The following PCLO variants were observed in gnomAD, a reference collection of about 807,000 sequenced individuals.
The protein encoded by PCLO is piccolo presynaptic cytomatrix protein.
In PCLO, 82 loss-of-function variants were observed where a neutral mutation model predicts 427.5. That is an observed-to-expected ratio of 0.19 (90% CI 0.16 to 0.23). The LOEUF is 0.23. Ranked by LOEUF, PCLO falls within the 10% of genes least tolerant of loss-of-function variation. The pLI is 1.00. For missense variants in PCLO, 6,239 were observed against 6,115.9 expected, an observed-to-expected ratio of 1.02 and a Z score of -0.67; for synonymous variants, 2,357 against 2,155.4, an observed-to-expected ratio of 1.09 and a Z score of -2.59.
At chr7:83,114,280 C>A (rs796935074) in intron 3 of PCLO, among the ~76,000 whole-genome samples, 1 of 151,776 alleles carries the variant, frequency 6.6e-6, no homozygotes, top group African/African-American at 2.4e-5. Flanking sequence ...CAGGGAATTG[C>A]GATGCTATAT....
At chr7:83,116,006 A>T (rs1336038641) in intron 3 of PCLO, among the ~76,000 whole-genome samples, 1 of 151,978 alleles carries the variant, frequency 6.6e-6, no homozygotes, top group African/African-American at 2.4e-5. Flanking sequence ...ACATATATGT[A>T]TATCATTTTC....
At chr7:83,148,404 T>A (rs924091505) in intron 2 of PCLO, among the ~76,000 whole-genome samples, 2 of 152,214 alleles carry the variant, frequency 1.3e-5, no homozygotes, top group African/African-American at 4.8e-5. Flanking sequence ...TTTATGACTC[T>A]TAATAGAATA....
At chr7:82,846,088 GAGTT>G (rs2115811437) in intron 12 of PCLO, among the ~76,000 whole-genome samples, 1 of 152,204 alleles carries the variant, frequency 6.6e-6, no homozygotes, top group South Asian at 2.1e-4. Flanking sequence ...ATTCAAGAAA[GAGTT>G]AAATCTATCT....
At chr7:83,030,119 G>GAAAAA (rs199609017) in intron 3 of PCLO, among the ~76,000 whole-genome samples, 64 of 104,434 alleles carry the variant, frequency 6.1e-4, no homozygotes, top group Middle Eastern at 6.7e-3. Context: ...AATAATAAAA[G>GAAAAA]AAAAAAAAAA....
intron 3 of PCLO, among the ~76,000 whole-genome samples, chr7:83,086,345 T>C (rs1056463211): frequency 1.4e-4 from 22 of 152,154 alleles, no homozygotes; most frequent in Middle Eastern, 3.4e-3. Flanking sequence ...CTGACCTCAG[T>C]TGATCCACCA....
At chr7:82,891,946 A>G (rs1460013090) in intron 9 of PCLO, among the ~76,000 whole-genome samples, 1 of 152,096 alleles carries the variant, frequency 6.6e-6, no homozygotes, top group Non-Finnish European at 1.5e-5. Context: ...AGAACATTCC[A>G]TGATTCCATG....
intron 3 of PCLO, among the ~76,000 whole-genome samples, chr7:82,996,163 T>A: frequency 6.6e-6 from 1 of 151,894 alleles, no homozygotes; most frequent in East Asian, 1.9e-4. Flanking sequence ...GATCTGATTT[T>A]GCTAAAAATT....
In PCLO at chr7:82,890,965, T is replaced by C. The variant is rs545092810; in HGVS notation, c.13529-11503A>G. ...TATTTATGATTATCATTATTTTCTT[T>C]GGATTTTTGCATATATGATTTATTT... On this transcript the variant is annotated intron_variant, in intron 9 of 24. Coordinates refer to ENST00000333891, the MANE Select transcript of PCLO (RefSeq NM_033026.6). Among the ~76,000 whole-genome samples, 222 of 152,232 alleles carry C rather than the reference T, an allele frequency of 1.5e-3. 1 individual carries two copies. Among genetic ancestry groups the C allele is most frequent in the African/African-American group, 5.1e-3 (214 of 41,580 alleles).
At chr7:83,061,899 C>G (rs1051389626) in intron 3 of PCLO, among the ~76,000 whole-genome samples, 2 of 152,110 alleles carry the variant, frequency 1.3e-5, no homozygotes, top group Non-Finnish European at 2.9e-5. Flanking sequence ...TTCCTGAGAA[C>G]CTGAGGCCAT....
chr7:82,908,343 T>C (rs2116227261), intron 8 of PCLO, among the ~76,000 whole-genome samples: 1 of 152,170 alleles, frequency 6.6e-6, no homozygotes. Flanking sequence ...TAGCAATATC[T>C]ACTTTATGTG....
At chr7:83,092,249 C>T (rs1011516478) in intron 3 of PCLO, among the ~76,000 whole-genome samples, 2 of 152,102 alleles carry the variant, frequency 1.3e-5, no homozygotes, top group Non-Finnish European at 2.9e-5. Context: ...GAAATACTGC[C>T]ATTAGAGACA....
chr7:83,149,128 G>A (rs894952946), intron 2 of PCLO, among the ~76,000 whole-genome samples: 1 of 152,138 alleles, frequency 6.6e-6, no homozygotes, highest in Non-Finnish European at 1.5e-5. Flanking sequence ...ATTAATCTCT[G>A]GCTTTAGCCT....
intron 3 of PCLO, among the ~76,000 whole-genome samples, chr7:82,981,034 A>T (rs1796135992): frequency 6.6e-6 from 1 of 152,176 alleles, no homozygotes; most frequent in Non-Finnish European, 1.5e-5. Context: ...ATAGTTAAAG[A>T]CCTATGTAAT....
chr7:82,758,879 G>A (rs1790372896), intron 24 of PCLO, among the ~76,000 whole-genome samples, 164 bp from the exon 25 acceptor site: 1 of 151,752 alleles, frequency 6.6e-6, no homozygotes, highest in African/African-American at 2.4e-5. Flanking sequence ...GATAACCAAG[G>A]TGTTCTCAAA....
At position 82,951,379 on chromosome 7, in the gene PCLO, G is replaced by C; in HGVS notation, c.9209C>G (p.Pro3070Arg). ...TPQYSTARMT[P>R]PPGPQYCVGS... ...CACACAATACTGGGGTCCTGGTGGT[G>C]GTGTCATTCTTGCTGTGGAATACTG... is the stretch of plus-strand genomic sequence containing the variant. The change falls in exon 6 of 25, where the codon CCA becomes CGA. Residue 3070 changes from proline (P) to arginine (R), a missense_variant. By Grantham distance (103) the Pro-to-Arg change is moderately radical. Coordinates refer to ENST00000333891, the MANE Select transcript of PCLO (RefSeq NM_033026.6). The C allele has an allele frequency of 1.2e-6, 2 of 1,604,204 alleles. No individual in the cohort carries two copies. Among genetic ancestry groups the C allele is most frequent in the Non-Finnish European group, 1.7e-6 (2 of 1,174,956 alleles).
intron 6 of PCLO, among the ~76,000 whole-genome samples, chr7:82,927,970 T>G (rs532383464): frequency 3.3e-4 from 50 of 152,276 alleles, no homozygotes; most frequent in Non-Finnish European, 5.7e-4. Flanking sequence ...TAATTAAATT[T>G]GAGTCTAATT....
At chr7:83,148,576 A>C (rs10954713) in intron 2 of PCLO, among the ~76,000 whole-genome samples, 110,100 of 151,884 alleles carry the variant, frequency 0.72, 40,397 homozygotes, top group East Asian at 0.99. Flanking sequence ...CTTATTTTTT[A>C]GACCATTAAC....
chr7:83,111,579 A>G (rs1300782650), intron 3 of PCLO, among the ~76,000 whole-genome samples: 1 of 152,224 alleles, frequency 6.6e-6, no homozygotes, highest in African/African-American at 2.4e-5. Context: ...CCCAGCTGAG[A>G]GTCCACAAAG....
In PCLO at chr7:82,955,595, T is replaced by C. The variant is rs781443238; in HGVS notation, c.5358A>G (p.Leu1786=). The part of the protein sequence containing the change: ...EEELREEEEL[L]KEQEKQREIE... ...TTTCCCTCTGCTTTTCTTGCTCCTT[T>C]AATAATTCTTCTTCCTCTCTCAATT... The change falls in exon 5 of 25, where the codon TTA becomes TTG. Residue 1786 remains leucine (L), a synonymous_variant. Coordinates refer to ENST00000333891, the MANE Select transcript of PCLO (RefSeq NM_033026.6). The C allele has an allele frequency of 3.1e-6, 5 of 1,613,934 alleles. No homozygotes were observed. The highest frequency in any genetic ancestry group is 1.7e-5 in the Admixed American group (1 of 60,014).
Sources: allele counts gnomAD v4.1 joint callset (sites outside exome capture counted in the v4.1 genomes callset), GRCh38; gene constraint gnomAD v4.1.1; transcripts MANE v1.5; gene names NCBI Gene and HGNC (gene_info 2026-07-23, HGNC 2026-07-21).